Variants in EGR1 observed in about 807,000 individuals in gnomAD.
The protein encoded by EGR1 is early growth response protein 1.
EGR1 carries 8 observed loss-of-function variants against 30.2 expected under a neutral mutation model. That is an observed-to-expected ratio of 0.26 (90% CI 0.16 to 0.48). EGR1 has a LOEUF of 0.48. EGR1 is among the 20% of genes least tolerant of loss of function. The probability of loss-of-function intolerance (pLI) is 0.99; values close to 1 mark genes in which losing one functional copy is unlikely to be tolerated. For synonymous variants in EGR1, 334 were observed against 312.8 expected, an observed-to-expected ratio of 1.07 and a Z score of -0.72; for missense variants, 568 against 732.3, an observed-to-expected ratio of 0.78 and a Z score of 2.59.
At position 138,467,752 on chromosome 5, in the gene EGR1, G is replaced by C; in HGVS notation, c.1303G>C (p.Ala435Pro). 4 of 1,614,008 alleles carry C rather than the reference G, an allele frequency of 2.5e-6. No homozygotes were observed. Among genetic ancestry groups the C allele is most frequent in the Non-Finnish European group, 3.4e-6 (4 of 1,179,994 alleles). ...AGACAAAAGTGTTGTGGCCTCTTCG[G>C]CCACCTCCTCTCTCTCTTCCTACCC... is the stretch of plus-strand genomic sequence containing the variant. ...KADKSVVASS[A>P]TSSLSSYPSP... The change falls in exon 2 of 2, where the codon GCC becomes CCC. Residue 435 changes from alanine (A) to proline (P), a missense_variant. Physicochemically the swap from Ala to Pro is conservative, Grantham distance 27. This residue lies in a region of EGR1 where 118 missense variants were observed against 161.6 expected (regional missense o/e 0.73). Coordinates refer to ENST00000239938, the MANE Select transcript of EGR1 (RefSeq NM_001964.3). This position sits in a 1 kb window ranked among gnomAD's most constrained non-coding sequence, Gnocchi z 8.3.
Position 138,467,946 on chromosome 5 carries a change from C to A in EGR1, c.1497C>A (p.Tyr499Ter), listed in dbSNP as rs1372874718. 6.2e-7 allele frequency: 1 copy of A among 1,613,928 alleles called. No individual in the cohort carries two copies. The highest frequency in any genetic ancestry group is 8.5e-7 in the Non-Finnish European group (1 of 1,179,962). ...GFPSPSVATT[Y>*]SSVPPAFPAQ... ...CCTCCCCGTCGGTGGCCACCACGTA[C>A]TCCTCTGTTCCCCCTGCTTTCCCGG... Residue 499 changes from tyrosine to a stop codon, truncating the protein, a stop_gained, in exon 2 of 2, where the codon TAC (tyrosine) becomes TAA (stop). Coordinates refer to ENST00000239938, the MANE Select transcript of EGR1 (RefSeq NM_001964.3). LOFTEE classifies it high-confidence loss of function. This position sits in a 1 kb window ranked among gnomAD's most constrained non-coding sequence, Gnocchi z 8.3.
At position 138,465,863 on chromosome 5, in the gene EGR1, G is replaced by A. The variant is rs368477832; in HGVS notation, c.102G>A (p.Lys34=). 141 of 1,613,988 alleles carry A rather than the reference G, an allele frequency of 8.7e-5. No individual in the cohort carries two copies. The highest frequency in any genetic ancestry group is 1.6e-4 in the Middle Eastern group (1 of 6,062). ...CGCCCACCATGGACAACTACCCTAA[G>A]CTGGAGGAGATGATGCTGCTGAGCA... ...PHSPTMDNYP[K]LEEMMLLSNG... The change falls in exon 1 of 2, where the codon AAG becomes AAA. Residue 34 remains lysine (K), a synonymous_variant. Coordinates refer to ENST00000239938, the MANE Select transcript of EGR1 (RefSeq NM_001964.3).
Position 138,467,429 on chromosome 5 carries a change from G to A in EGR1, c.980G>A (p.Arg327Gln). The change falls in exon 2 of 2, where the codon CGG becomes CAG. Residue 327 changes from arginine to glutamine, a missense_variant. Around this residue, in one of 4 missense-constraint regions of EGR1, gnomAD observed 415 missense variants for 445.2 expected, o/e 0.93. Transcript: ENST00000239938. This position sits in a 1 kb window ranked among gnomAD's most constrained non-coding sequence, Gnocchi z 8.3. ...KPSRMRKYPNRPSKTPPHERP... is the reference protein window; with the variant it reads ...KPSRMRKYPNQPSKTPPHERP... ...AGCCGCATGCGCAAGTACCCCAACC[G>A]GCCCAGCAAGACGCCCCCCCACGAA... The A allele has an allele frequency of 2.5e-6, 4 of 1,614,072 alleles. No homozygotes were observed. Among genetic ancestry groups the A allele is most frequent in the African/African-American group, 1.3e-5 (1 of 74,990 alleles).
In EGR1 at chr5:138,465,721, C is replaced by G. The variant is rs755238155; in HGVS notation, c.-41C>G. 6.6e-7 allele frequency: 1 copy of G among 1,522,990 alleles called. No homozygotes were observed. Among genetic ancestry groups the G allele is most frequent in the Non-Finnish European group, 8.8e-7 (1 of 1,134,682 alleles). The allele number at this position is 1,522,990 out of a possible 1,614,324, so 94.3% of individuals were successfully genotyped here. A position where few individuals can be genotyped will look rare whatever the true frequency, so the allele number is the denominator to read the frequency against. ...CTGCAGCTCCAGCCCCGGGCTGCAC[C>G]CCCCCGCCCCGACACCAGCTCTCCA... On this transcript the variant is annotated 5_prime_UTR_variant, in exon 1 of 2. Transcript: ENST00000239938.
At position 138,466,087 on chromosome 5, in the gene EGR1, C is replaced by T. The variant is rs1350948668; in HGVS notation, c.307+19C>T. On this transcript the variant is annotated intron_variant, in intron 1 of 1. Transcript: ENST00000239938. ...ACCGCAGGTAAGCAGTGGCCTACGCCGAGGGGGAACCCTTTCGCCACCATC... is the reference window on the plus strand; with the variant it reads ...ACCGCAGGTAAGCAGTGGCCTACGCTGAGGGGGAACCCTTTCGCCACCATC... 1.3e-6 allele frequency: 2 copies of T among 1,540,600 alleles called. No individual in the cohort carries two copies. The highest frequency in any genetic ancestry group is 1.7e-6 in the Non-Finnish European group (2 of 1,146,744).
In EGR1 at chr5:138,468,430, CG is replaced by C; in HGVS notation, c.*350del. On this transcript the variant is annotated 3_prime_UTR_variant, in exon 2 of 2. Transcript: ENST00000239938. ...CTTGCTCCCTTCAATGCTAGAAAAT[CG>C]AGTTGGCAAAATGGGGTTTGGGCCC... 2.2e-6 allele frequency: 1 copy of C among 448,962 alleles called. No homozygotes were observed. The highest frequency in any genetic ancestry group is 6.6e-5 in the East Asian group (1 of 15,180). The allele number at this position is 448,962 out of a possible 1,614,324, so 27.8% of individuals were successfully genotyped here.
chr5:138,468,550 T>C lies in EGR1; in HGVS notation c.*469T>C, dbSNP rs962414905. On this transcript the variant is annotated 3_prime_UTR_variant, in exon 2 of 2. Coordinates refer to ENST00000239938, the MANE Select transcript of EGR1 (RefSeq NM_001964.3). ...TGATGTGAAGATAATTTGCATATTC[T>C]ATTGTATTATTTGGAGTTAGGTCCT... 1.1e-5 allele frequency: 2 copies of C among 183,220 alleles called. No homozygotes were observed. The highest frequency in any genetic ancestry group is 4.8e-5 in the African/African-American group (2 of 41,790). The allele number at this position is 183,220 out of a possible 1,614,324, so 11.3% of individuals were successfully genotyped here.
At chr5:138,466,359 C>T (rs548271035) in intron 1 of EGR1, among the ~76,000 whole-genome samples, 40 of 152,246 alleles carry the variant, frequency 2.6e-4, no homozygotes, top group Non-Finnish European at 4.8e-4. Context: ...GCTGCGCCCC[C>T]CACCTCCAGT....
In EGR1 at chr5:138,465,779, C is replaced by T. The variant is rs1418719152; in HGVS notation, c.18C>T (p.Ala6=). MAAAK[A]EMQLMSPLQI... ...CGTCCAGGATGGCCGCGGCCAAGGC[C>T]GAGATGCAGCTGATGTCCCCGCTGC... Residue 6 remains alanine, a synonymous_variant, in exon 1 of 2, where the codon GCC becomes GCT. Transcript: ENST00000239938. 1 of 1,605,958 alleles carries T rather than the reference C, an allele frequency of 6.2e-7. No individual in the cohort carries two copies. Among genetic ancestry groups the T allele is most frequent in the Non-Finnish European group, 8.5e-7 (1 of 1,174,334 alleles).
At position 138,465,854 on chromosome 5, in the gene EGR1, C is replaced by A. The variant is rs1262523327; in HGVS notation, c.93C>A (p.Asn31Lys). The change falls in exon 1 of 2, where the codon AAC becomes AAA. Residue 31 changes from asparagine (N) to lysine (K), a missense_variant. This residue lies in a region of EGR1 where 415 missense variants were observed against 445.2 expected (regional missense o/e 0.93). Transcript: ENST00000239938. ...GSFPHSPTMD[N>K]YPKLEEMMLL... Reference sequence around the variant, plus strand: ...TTCCTCACTCGCCCACCATGGACAACTACCCTAAGCTGGAGGAGATGATGC... The same window carrying A: ...TTCCTCACTCGCCCACCATGGACAAATACCCTAAGCTGGAGGAGATGATGC... 3.1e-6 allele frequency: 5 copies of A among 1,613,864 alleles called. No individual in the cohort carries two copies. Among genetic ancestry groups the A allele is most frequent in the Non-Finnish European group, 4.2e-6 (5 of 1,179,866 alleles).
rs200390223 is a variant in EGR1 at position 138,468,663 on chromosome 5, C to CT, written c.*591dup. The stretch of plus-strand genomic sequence containing the variant: ...TGATGCTGTGACAATAAGTTTGAAC[C>CT]TTTTTTTTTGAAACAGCAGTCCCAG... On this transcript the variant is annotated 3_prime_UTR_variant, in exon 2 of 2. Coordinates refer to ENST00000239938, the MANE Select transcript of EGR1 (RefSeq NM_001964.3). The CT allele has an allele frequency of 2.1e-4, 32 of 155,494 alleles. No homozygotes were observed. Among genetic ancestry groups the CT allele is most frequent in the Middle Eastern group, 3.3e-3 (1 of 302 alleles). The allele number at this position is 155,494 out of a possible 1,614,324, so 9.6% of individuals were successfully genotyped here. A position where few individuals can be genotyped will look rare whatever the true frequency, so the allele number is the denominator to read the frequency against.
chr5:138,466,613 T>G, intron 1 of EGR1, 144 bp from the exon 2 acceptor site: 1 of 930,832 alleles, frequency 1.1e-6, no homozygotes, highest in Non-Finnish European at 1.6e-6. Context: ...TCCAGGAACA[T>G]TGCAATGTGC....
Position 138,466,048 on chromosome 5 carries a change from C to T in EGR1, c.287C>T (p.Pro96Leu). The change falls in exon 1 of 2, where the codon CCC becomes CTC. Residue 96 changes from proline (P) to leucine (L), a missense_variant. This residue lies in a region of EGR1 where 415 missense variants were observed against 445.2 expected (regional missense o/e 0.93). Coordinates refer to ENST00000239938, the MANE Select transcript of EGR1 (RefSeq NM_001964.3). The stretch of plus-strand genomic sequence containing the variant: ...CCTCAGGCGGACACGGGCGAGCAGC[C>T]CTACGAGCACCTGACCGCAGGTAAG... ...FNPQADTGEQPYEHLTAESFP... is the reference protein window; with the variant it reads ...FNPQADTGEQLYEHLTAESFP... The T allele has an allele frequency of 6.3e-7, 1 of 1,587,448 alleles. No homozygotes were observed. Among genetic ancestry groups the T allele is most frequent in the Non-Finnish European group, 8.6e-7 (1 of 1,168,348 alleles).
chr5:138,466,678 C>T (rs1561814127), intron 1 of EGR1, 79 bp from the exon 2 acceptor site: 17 of 1,512,354 alleles, frequency 1.1e-5, no homozygotes, highest in Non-Finnish European at 1.3e-5. Flanking sequence ...CGGTCTCTTG[C>T]CTGGCAGCTC....
chr5:138,466,715 C>A, intron 1 of EGR1, 42 bp from the exon 2 acceptor site: 1 of 1,571,338 alleles, frequency 6.4e-7, no homozygotes, highest in Non-Finnish European at 8.7e-7. Flanking sequence ...CCAGTGATTG[C>A]TTTCCAGTAA....
rs776725459 is a variant in EGR1 at position 138,468,393 on chromosome 5, T to C, written c.*312T>C. 1 of 526,122 alleles carries C rather than the reference T, an allele frequency of 1.9e-6. No homozygotes were observed. The highest frequency in any genetic ancestry group is 1.5e-5 in the South Asian group (1 of 64,728). 32.6% of individuals were successfully genotyped at this position (526,122 alleles called of 1,614,324 possible). On this transcript the variant is annotated 3_prime_UTR_variant, in exon 2 of 2. Transcript: ENST00000239938. ...AATCATTTCAGTATCATCTCCATCA[T>C]ATGCCTGACCCCTTGCTCCCTTCAA...
Position 138,467,888 on chromosome 5 carries a change from C to T in EGR1, c.1439C>T (p.Ser480Leu), listed in dbSNP as rs1387817209. 1 of 1,613,822 alleles carries T rather than the reference C, an allele frequency of 6.2e-7. No homozygotes were observed. The highest frequency in any genetic ancestry group is 1.1e-5 in the South Asian group (1 of 91,066). ...VPTSFSSPGSSTYPSPVHSGF... is the reference protein window; with the variant it reads ...VPTSFSSPGSLTYPSPVHSGF... ...ACCTCCTTCTCCTCTCCCGGCTCCT[C>T]GACCTACCCATCCCCTGTGCACAGT... The change falls in exon 2 of 2, where the codon TCG becomes TTG. Residue 480 changes from serine to leucine, a missense_variant. This residue lies in a region of EGR1 where 118 missense variants were observed against 161.6 expected (regional missense o/e 0.73). Coordinates refer to ENST00000239938, the MANE Select transcript of EGR1 (RefSeq NM_001964.3). This position sits in a 1 kb window ranked among gnomAD's most constrained non-coding sequence, Gnocchi z 8.3.
chr5:138,467,829 C>T lies in EGR1; in HGVS notation c.1380C>T (p.Ser460=). The T allele has an allele frequency of 8.7e-6, 14 of 1,613,756 alleles. No individual in the cohort carries two copies. The highest frequency in any genetic ancestry group is 1.2e-5 in the Non-Finnish European group (14 of 1,179,646). Residue 460 remains serine, a synonymous_variant, in exon 2 of 2, where the codon TCC becomes TCT. Coordinates refer to ENST00000239938, the MANE Select transcript of EGR1 (RefSeq NM_001964.3). This position sits in a 1 kb window ranked among gnomAD's most constrained non-coding sequence, Gnocchi z 8.3. ...YPSPVTTSYP[S]PATTSYPSPV... is the part of the protein sequence containing the mutation. Reference sequence around the variant, plus strand: ...CCCCGGTTACTACCTCTTATCCATCCCCGGCCACCACCTCATACCCATCCC... The same window carrying T: ...CCCCGGTTACTACCTCTTATCCATCTCCGGCCACCACCTCATACCCATCCC...
Position 138,465,867 on chromosome 5 carries a change from G to A in EGR1, c.106G>A (p.Glu36Lys). ...CACCATGGACAACTACCCTAAGCTGGAGGAGATGATGCTGCTGAGCAACGG... is the reference window on the plus strand; with the variant it reads ...CACCATGGACAACTACCCTAAGCTGAAGGAGATGATGCTGCTGAGCAACGG... ...SPTMDNYPKL[E>K]EMMLLSNGAP... Residue 36 changes from glutamate (E) to lysine (K), a missense_variant, in exon 1 of 2, where the codon GAG becomes AAG. By Grantham distance (56) the Glu-to-Lys change is moderately conservative. Transcript: ENST00000239938. The A allele has an allele frequency of 6.2e-7, 1 of 1,613,994 alleles. No individual in the cohort carries two copies. Among genetic ancestry groups the A allele is most frequent in the Non-Finnish European group, 8.5e-7 (1 of 1,179,864 alleles).
Sources: allele counts gnomAD v4.1 joint callset (sites outside exome capture counted in the v4.1 genomes callset), GRCh38; gene constraint gnomAD v4.1.1; regional missense constraint gnomAD v4.1.1; non-coding constraint Gnocchi (gnomAD v3.1); transcripts MANE v1.5; gene names NCBI Gene and HGNC (gene_info 2026-07-23, HGNC 2026-07-21).